Variants in VPS51 observed in about 807,000 individuals in gnomAD.
The protein encoded by VPS51 is VPS51 subunit of GARP complex.
VPS51 carries 55 observed loss-of-function variants against 65.1 expected under a neutral mutation model. That is an observed-to-expected ratio of 0.84 (90% CI 0.68 to 1.06). VPS51 has a LOEUF of 1.06. Ranked by LOEUF, VPS51 falls within the 50% of genes least tolerant of loss-of-function variation. The probability of loss-of-function intolerance (pLI) is 0.00; values close to 1 mark genes in which losing one functional copy is unlikely to be tolerated. For synonymous variants in VPS51, 473 were observed against 489.5 expected, an observed-to-expected ratio of 0.97 and a Z score of 0.44; for missense variants, 943 against 1,101.6, an observed-to-expected ratio of 0.86 and a Z score of 2.04.
In VPS51 at chr11:65,108,221, G is replaced by A; in HGVS notation, c.750G>A (p.Glu250=). The stretch of plus-strand genomic sequence containing the variant: ...GGGAGGGCGGCTCAGGCGCCCCGGA[G>A]CAGGCAGAGTGCGTGGAGCTGCTGC... The part of the protein sequence containing the change: ...RFREGGSGAP[E]QAECVELLLA... Residue 250 remains glutamate (E), a synonymous_variant, in exon 5 of 10, where the codon GAG becomes GAA. Coordinates refer to ENST00000279281, the MANE Select transcript of VPS51 (RefSeq NM_013265.4). The A allele has an allele frequency of 6.2e-7, 1 of 1,600,222 alleles. No homozygotes were observed.
Position 65,107,674 on chromosome 11 carries a change from C to T in VPS51, c.452C>T (p.Ala151Val). 1 of 1,610,270 alleles carries T rather than the reference C, an allele frequency of 6.2e-7. No individual in the cohort carries two copies. The highest frequency in any genetic ancestry group is 8.5e-7 in the Non-Finnish European group (1 of 1,177,514). The change falls in exon 3 of 10, where the codon GCT becomes GTT. Residue 151 changes from alanine (A) to valine (V), a missense_variant. Physicochemically the swap from Ala to Val is moderately conservative, Grantham distance 64. Transcript: ENST00000279281. This position sits in a 1 kb window ranked among gnomAD's most constrained non-coding sequence, Gnocchi z 4.0. ...TNMAVITDFS[A>V]RISATLQDRH... ...ATGGCAGTGATCACCGACTTCAGCG[C>T]TCGCATCAGCGCCACGCTGCAGGAC...
Position 65,110,550 on chromosome 11 carries a change from C to A in VPS51, c.1947C>A (p.Ser649=). 1 of 1,614,000 alleles carries A rather than the reference C, an allele frequency of 6.2e-7. No individual in the cohort carries two copies. Among genetic ancestry groups the A allele is most frequent in the African/African-American group, 1.3e-5 (1 of 75,036 alleles). Reference sequence around the variant, plus strand: ...GCGACTCCAGCAAGAGGACTTTCTCCGTGTACAGCAGCTCTCGGCAGCAGG... The same window carrying A: ...GCGACTCCAGCAAGAGGACTTTCTCAGTGTACAGCAGCTCTCGGCAGCAGG... ...QSSDSSKRTF[S]VYSSSRQQGR... The change falls in exon 8 of 10, where the codon TCC becomes TCA. Residue 649 remains serine (S), a synonymous_variant. Transcript: ENST00000279281.
chr11:65,107,816 G>C lies in VPS51; in HGVS notation c.519G>C (p.Leu173=), dbSNP rs368671829. Residue 173 remains leucine (L), a synonymous_variant, in exon 4 of 10, where the codon CTG becomes CTC. Transcript: ENST00000279281. This position sits in a 1 kb window ranked among gnomAD's most constrained non-coding sequence, Gnocchi z 4.0. The part of the protein sequence containing the change: ...RITKLAGVHA[L]LRKLQFLFEL... ...TCCGTCCCCCAGGGGTCCACGCGCT[G>C]CTGCGGAAGCTGCAGTTCCTCTTTG... 1 of 1,563,070 alleles carries C rather than the reference G, an allele frequency of 6.4e-7. No homozygotes were observed. Among genetic ancestry groups the C allele is most frequent in the Non-Finnish European group, 8.7e-7 (1 of 1,155,760 alleles).
intron 7 of VPS51, 194 bp downstream of exon 7, chr11:65,110,117 TGAA>T (rs1488194292): frequency 4.5e-6 from 3 of 672,576 alleles, no homozygotes; most frequent in Non-Finnish European, 7.5e-6. Flanking sequence ...TCTCCAAGGA[TGAA>T]GACCAAACGG....
At position 65,108,658 on chromosome 11, in the gene VPS51, C is replaced by T. The variant is rs551487687; in HGVS notation, c.1187C>T (p.Thr396Met). 2 of 1,562,810 alleles carry T rather than the reference C, an allele frequency of 1.3e-6. No homozygotes were observed. The highest frequency in any genetic ancestry group is 2.3e-5 in the East Asian group (1 of 42,878). ...LAAAGLADAATEIVERVARER... is the reference protein window; with the variant it reads ...LAAAGLADAAMEIVERVARER... Reference sequence around the variant, plus strand: ...GCTGCCGGGCTCGCAGACGCTGCCACGGAGATCGTGGAACGAGTGGCCCGC... The same window carrying T: ...GCTGCCGGGCTCGCAGACGCTGCCATGGAGATCGTGGAACGAGTGGCCCGC... The change falls in exon 5 of 10, where the codon ACG becomes ATG. Residue 396 changes from threonine (T) to methionine (M), a missense_variant. Around this residue, in one of 2 missense-constraint regions of VPS51, gnomAD observed 855 missense variants for 953.7 expected, o/e 0.90. Transcript: ENST00000279281.
At position 65,111,820 on chromosome 11, in the gene VPS51, G is replaced by C; in HGVS notation, c.*233G>C. ...CCGATTGGCTGGTGTGCTGGGCCCA[G>C]CATGGGCAGGGGGCGGTTCCACTTA... On this transcript the variant is annotated 3_prime_UTR_variant, in exon 10 of 10. Transcript: ENST00000279281. 1.1e-6 allele frequency: 1 copy of C among 927,212 alleles called. No individual in the cohort carries two copies. Among genetic ancestry groups the C allele is most frequent in the Non-Finnish European group, 1.6e-6 (1 of 628,486 alleles). The allele number at this position is 927,212 out of a possible 1,614,324, so 57.4% of individuals were successfully genotyped here.
At chr11:65,110,401 G>A in intron 7 of VPS51, 81 bp from the exon 8 acceptor site, 1 of 1,606,544 alleles carries the variant, frequency 6.2e-7, no homozygotes, top group South Asian at 1.1e-5. Flanking sequence ...TTGAGTAGCT[G>A]ACTTAGGGCA....
intron 9 of VPS51, chr11:65,111,047 A>C (rs757909725): frequency 2.9e-6 from 2 of 682,924 alleles, no homozygotes; most frequent in Non-Finnish European, 5.2e-6. Context: ...TTATCCCCAC[A>C]GTAGTCTTGG....
At chr11:65,104,621 G>A (rs1018683007) in intron 2 of VPS51, among the ~76,000 whole-genome samples, 1 of 152,090 alleles carries the variant, frequency 6.6e-6, no homozygotes, top group Non-Finnish European at 1.5e-5. Flanking sequence ...ATATGCTGCT[G>A]GATTTTGTTT....
intron 2 of VPS51, among the ~76,000 whole-genome samples, chr11:65,101,460 T>C (rs1239500326): frequency 6.6e-6 from 1 of 152,126 alleles, no homozygotes; most frequent in Non-Finnish European, 1.5e-5. Flanking sequence ...TCTTTGACAG[T>C]ACATTTCACT....
Position 65,109,426 on chromosome 11 carries a change from C to A in VPS51, c.1590C>A (p.Leu530=), listed in dbSNP as rs773931859. The A allele has an allele frequency of 6.2e-7, 1 of 1,610,648 alleles. No homozygotes were observed. The highest frequency in any genetic ancestry group is 8.5e-7 in the Non-Finnish European group (1 of 1,180,022). ...PPALLLLLSR[L]CLDYETATIS... ...CCCTGCTCCTGCTGCTCTCCCGCCT[C>A]TGCCTGGACTACGAGACGGCCACCA... Residue 530 remains leucine, a synonymous_variant, in exon 6 of 10, where the codon CTC becomes CTA. Transcript: ENST00000279281.
Position 65,108,429 on chromosome 11 carries a change from G to A in VPS51, c.958G>A (p.Ala320Thr). The change falls in exon 5 of 10, where the codon GCG becomes ACG. Residue 320 changes from alanine to threonine, a missense_variant. By Grantham distance (58) the Ala-to-Thr change is moderately conservative. Coordinates refer to ENST00000279281, the MANE Select transcript of VPS51 (RefSeq NM_013265.4). ...GFVGGLCQVA[A>T]AYQELFAAQG... ...CGTGGGCGGCCTCTGCCAGGTGGCG[G>A]CGGCCTACCAGGAGCTGTTTGCGGC... 2 of 1,611,872 alleles carry A rather than the reference G, an allele frequency of 1.2e-6. No homozygotes were observed. Among genetic ancestry groups the A allele is most frequent in the Non-Finnish European group, 1.7e-6 (2 of 1,179,652 alleles).
Position 65,096,269 on chromosome 11 carries a change from GC to G in VPS51, c.21del (p.Pro9LeufsTer29). On this transcript the variant is annotated frameshift_variant, in exon 1 of 10. Transcript: ENST00000279281. LOFTEE classifies it high-confidence loss of function. ...TGGAACGATGGCGGCGGCAGCTGCC[GC>G]CGGGCCTAGCCCGGGGTCTGGACCT... MAAAAA[A>X]GPSPGSGPGD... The G allele has an allele frequency of 6.6e-7, 1 of 1,517,148 alleles. No homozygotes were observed. Among genetic ancestry groups the G allele is most frequent in the Non-Finnish European group, 8.8e-7 (1 of 1,136,756 alleles). The allele number at this position is 1,517,148 out of a possible 1,614,324, so 94.0% of individuals were successfully genotyped here.
At chr11:65,096,870 C>T in intron 1 of VPS51, 128 bp from the exon 2 acceptor site, 1 of 1,414,498 alleles carries the variant, frequency 7.1e-7, no homozygotes, top group Non-Finnish European at 9.5e-7. Context: ...GGATTCCTGA[C>T]AGCCGGCGGG....
At position 65,111,647 on chromosome 11, in the gene VPS51, T is replaced by A; in HGVS notation, c.*60T>A. On this transcript the variant is annotated 3_prime_UTR_variant, in exon 10 of 10. Coordinates refer to ENST00000279281, the MANE Select transcript of VPS51 (RefSeq NM_013265.4). Reference sequence around the variant, plus strand: ...ACCCCATGGCACCCAGGATCTGGTCTCGGTGGTCCTTCCCCGCAGGCAGGT... The same window carrying A: ...ACCCCATGGCACCCAGGATCTGGTCACGGTGGTCCTTCCCCGCAGGCAGGT... The A allele has an allele frequency of 6.6e-7, 1 of 1,523,136 alleles. No homozygotes were observed. The allele number at this position is 1,523,136 out of a possible 1,614,324, so 94.4% of individuals were successfully genotyped here. A position where few individuals can be genotyped will look rare whatever the true frequency, so the allele number is the denominator to read the frequency against.
intron 2 of VPS51, among the ~76,000 whole-genome samples, chr11:65,099,405 G>A (rs1947793174): frequency 6.6e-6 from 1 of 152,168 alleles, no homozygotes; most frequent in African/African-American, 2.4e-5. Context: ...CTTCCAGAAT[G>A]TATTAGGGAT....
intron 2 of VPS51, among the ~76,000 whole-genome samples, chr11:65,104,945 T>C (rs1467467933): frequency 6.6e-6 from 1 of 152,180 alleles, no homozygotes; most frequent in East Asian, 1.9e-4. Flanking sequence ...TGTTTTCTTG[T>C]TTTTTGCAAT....
intron 2 of VPS51, among the ~76,000 whole-genome samples, chr11:65,099,186 G>T (rs1947791109): frequency 6.6e-6 from 1 of 152,144 alleles, no homozygotes; most frequent in South Asian, 2.1e-4. Flanking sequence ...ACTCAGGAAA[G>T]TAATGTAGCA....
intron 5 of VPS51, 172 bp from the exon 6 acceptor site, chr11:65,109,108 G>C: frequency 1.0e-6 from 1 of 1,003,906 alleles, no homozygotes; most frequent in Non-Finnish European, 1.5e-6. Context: ...GGGGTCCCCA[G>C]TGTTGGCTTT....
Sources: gnomAD v4.1 joint callset for allele counts (sites outside exome capture counted in the v4.1 genomes callset) on GRCh38, gnomAD v4.1.1 for gene constraint, gnomAD v4.1.1 regional missense constraint, Gnocchi (gnomAD v3.1) non-coding constraint, MANE v1.5 for transcripts, NCBI Gene and HGNC (gene_info 2026-07-23, HGNC 2026-07-21) for gene names.